Variants in DYNC1H1 observed in about 807,000 individuals in gnomAD.
The protein encoded by DYNC1H1 is cytoplasmic dynein 1 heavy chain 1.
In DYNC1H1, 51 loss-of-function variants were observed where a neutral mutation model predicts 527.1. That is an observed-to-expected ratio of 0.10 (90% CI 0.08 to 0.12). DYNC1H1 has a LOEUF of 0.12. Ranked by LOEUF, DYNC1H1 falls within the 10% of genes least tolerant of loss-of-function variation. The probability of loss-of-function intolerance (pLI) is 1.00; values close to 1 mark genes in which losing one functional copy is unlikely to be tolerated. For synonymous variants in DYNC1H1, 2,189 were observed against 2,278.8 expected (o/e 0.96, Z 1.12); for missense variants, 2,771 against 5,971.8 (o/e 0.46, Z 17.66).
At chr14:102,035,380 T>C (rs533719731) in intron 56 of DYNC1H1, 131 of 152,314 alleles carry the variant, frequency 8.6e-4, no homozygotes, top group African/African-American at 3.1e-3. Context: ...AGAAATGGGA[T>C]GTAACTGCAG....
chr14:102,025,280 C>T lies in DYNC1H1; in HGVS notation c.8638-1294C>T, dbSNP rs181912212. On this transcript the variant is annotated intron_variant, in intron 43 of 77. Coordinates refer to ENST00000360184, the MANE Select transcript of DYNC1H1 (RefSeq NM_001376.5). ...ATTAGCCGGGTGCGGTACTGCATGC[C>T]TGTAATCTCAGCTACTCAGGAGGCT... 7.2e-5 allele frequency among the ~76,000 whole-genome samples: 11 copies of T among 152,182 alleles called. No homozygotes were observed. The East Asian group carries it at 2.1e-3, about 30-fold the overall frequency.
rs1335846378 is a variant in DYNC1H1, at chr14:102,052,874, C to T, written c.*2311C>T. The T allele has an allele frequency of 6.6e-6, 1 of 152,208 alleles. No individual in the cohort carries two copies. The highest frequency in any genetic ancestry group is 1.5e-5 in the Non-Finnish European group (1 of 68,048). The allele number at this position is 152,208 out of a possible 1,614,324, so 9.4% of individuals were successfully genotyped here. A position where few individuals can be genotyped will look rare whatever the true frequency, so the allele number is the denominator to read the frequency against. On this transcript the variant is annotated 3_prime_UTR_variant, in exon 78 of 78. Transcript: ENST00000360184. ...GACAGGGCGTCTACTATATGAACTTCCTCTGGACTCTGACTTCAGTGTGTA... is the reference window on the plus strand; with the variant it reads ...GACAGGGCGTCTACTATATGAACTTTCTCTGGACTCTGACTTCAGTGTGTA...
At chr14:102,048,078 G>A (rs1454022799) in intron 73 of DYNC1H1, 50 bp downstream of exon 73, 2 of 1,569,710 alleles carry the variant, frequency 1.3e-6, no homozygotes, top group African/African-American at 1.4e-5. Flanking sequence ...CCAGGTGCTG[G>A]GTATGGTCAT....
At chr14:101,967,808 A>C (rs901220061) in intron 1 of DYNC1H1, among the ~76,000 whole-genome samples, 2 of 152,230 alleles carry the variant, frequency 1.3e-5, no homozygotes, top group East Asian at 1.9e-4. Flanking sequence ...GCCTGGGTAC[A>C]GAGTGAGACC....
In DYNC1H1 at chr14:102,004,827, A is replaced by G; in HGVS notation, c.5115A>G (p.Val1705=). Residue 1705 remains valine (V), a synonymous_variant, in exon 25 of 78, where the codon GTA becomes GTG. Coordinates refer to ENST00000360184, the MANE Select transcript of DYNC1H1 (RefSeq NM_001376.5). The stretch of plus-strand genomic sequence containing the variant: ...AAATCAATGAGTGGCTCACATTGGT[A>G]GAAAAGGAGATGAGAGTCACCCTGG... ...HPKINEWLTL[V]EKEMRVTLAK... 1 of 1,614,228 alleles carries G rather than the reference A, an allele frequency of 6.2e-7. No homozygotes were observed. Among genetic ancestry groups the G allele is most frequent in the Non-Finnish European group, 8.5e-7 (1 of 1,180,044 alleles).
Position 101,965,391 on chromosome 14 carries a change from T to G in DYNC1H1, c.256+444T>G, listed in dbSNP as rs2141259165. On this transcript the variant is annotated intron_variant, in intron 1 of 77. Coordinates refer to ENST00000360184, the MANE Select transcript of DYNC1H1 (RefSeq NM_001376.5). This position sits in a 1 kb window ranked among gnomAD's most constrained non-coding sequence, Gnocchi z 4.1. ...GTCACATGAGCTTTTCGGTTTCGAT[T>G]TGTGTCCAAGCCAAGTGGCCTTCGG... Among the ~76,000 whole-genome samples, 1 of 152,320 alleles carries G rather than the reference T, an allele frequency of 6.6e-6. No homozygotes were observed. Among genetic ancestry groups the G allele is most frequent in the African/African-American group, 2.4e-5 (1 of 41,572 alleles).
Position 102,012,492 on chromosome 14 carries a change from G to C in DYNC1H1, c.7014+22G>C, listed in dbSNP as rs770462838. On this transcript the variant is annotated intron_variant, in intron 34 of 77. Transcript: ENST00000360184. The surrounding 1 kb of genome is among the most constrained non-coding windows in gnomAD (Gnocchi z 4.9). ...CAATGTAAGTAGCCTTTTGTATGTC[G>C]TCAACTGAATAATTCCTTTTGGCCA... 1 of 1,614,072 alleles carries C rather than the reference G, an allele frequency of 6.2e-7. No homozygotes were observed. The highest frequency in any genetic ancestry group is 2.2e-5 in the East Asian group (1 of 44,882).
intron 51 of DYNC1H1, among the ~76,000 whole-genome samples, chr14:102,032,006 T>A (rs1359790417): frequency 6.6e-6 from 1 of 152,222 alleles, no homozygotes; most frequent in Non-Finnish European, 1.5e-5. Flanking sequence ...AAATTAGGAC[T>A]TGTGAGACAT....
intron 16 of DYNC1H1, 21 bp from the exon 17 acceptor site, chr14:101,999,968 C>T (rs1466480432): frequency 6.2e-7 from 1 of 1,614,086 alleles, no homozygotes; most frequent in African/African-American, 1.3e-5. Context: ...CTCCAATTCT[C>T]TGTGCTCTGA....
chr14:102,029,125 G>T lies in DYNC1H1; in HGVS notation c.9469-414G>T. 3.7e-6 allele frequency: 1 copy of T among 270,524 alleles called. No homozygotes were observed. 16.8% of individuals were successfully genotyped at this position (270,524 alleles called of 1,614,324 possible). A position where few individuals can be genotyped will look rare whatever the true frequency, so the allele number is the denominator to read the frequency against. Reference sequence around the variant, plus strand: ...ATGTCGTCCAGCCCTGGCTTCCCCTGGTAGTCTGATCATCTTGCTGTGCTT... The same window carrying T: ...ATGTCGTCCAGCCCTGGCTTCCCCTTGTAGTCTGATCATCTTGCTGTGCTT... On this transcript the variant is annotated intron_variant, in intron 48 of 77. Transcript: ENST00000360184. This position sits in a 1 kb window ranked among gnomAD's most constrained non-coding sequence, Gnocchi z 5.3.
chr14:102,044,287 T>C lies in DYNC1H1; in HGVS notation c.12698T>C (p.Ile4233Thr). The change falls in exon 71 of 78, where the codon ATC becomes ACC. Residue 4233 changes from isoleucine (I) to threonine (T), a missense_variant. By Grantham distance (89) the Ile-to-Thr change is moderately conservative. Coordinates refer to ENST00000360184, the MANE Select transcript of DYNC1H1 (RefSeq NM_001376.5). The surrounding 1 kb of genome is among the most constrained non-coding windows in gnomAD (Gnocchi z 7.1). ...LDDTAKGRQNISPDKIPWSAL... is the reference protein window; with the variant it reads ...LDDTAKGRQNTSPDKIPWSAL... ...TTCCTCCCCCAGGGCAGGCAGAACA[T>C]CTCACCGGATAAGATCCCGTGGTCT... The C allele has an allele frequency of 3.1e-6, 5 of 1,613,974 alleles. No individual in the cohort carries two copies.
Position 102,017,548 on chromosome 14 carries a change from T to TAGCG in DYNC1H1, c.8177+44_8177+45insAGCG. ...CTGCTCTGCTTCACACACGCACAGC[T>TAGCG]CCAGGATTGCTGTAAACACAGCGCC... On this transcript the variant is annotated intron_variant, in intron 40 of 77. Transcript: ENST00000360184. The surrounding 1 kb of genome is among the most constrained non-coding windows in gnomAD (Gnocchi z 4.6). 1 of 1,614,030 alleles carries TAGCG rather than the reference T, an allele frequency of 6.2e-7. No homozygotes were observed.
chr14:101,996,571 C>T (rs1293588899), intron 15 of DYNC1H1, among the ~76,000 whole-genome samples: 1 of 152,168 alleles, frequency 6.6e-6, no homozygotes, highest in Non-Finnish European at 1.5e-5. Flanking sequence ...GCCCTCTGGC[C>T]ACGATGTCTT....
intron 11 of DYNC1H1, among the ~76,000 whole-genome samples, chr14:101,993,748 T>C (rs146632055): frequency 2.0e-4 from 31 of 152,274 alleles, no homozygotes; most frequent in Admixed American, 6.5e-4. Context: ...TCCCTCTCCT[T>C]CTCACTCTTG....
intron 73 of DYNC1H1, 65 bp downstream of exon 73, chr14:102,048,093 C>A: frequency 6.5e-7 from 1 of 1,532,800 alleles, no homozygotes; most frequent in Non-Finnish European, 8.8e-7. Context: ...GGTCATGGAC[C>A]ATTGTTCCAT....
chr14:102,028,563 G>T, intron 48 of DYNC1H1: 1 of 261,606 alleles, frequency 3.8e-6, no homozygotes, highest in Non-Finnish European at 7.5e-6. Context: ...ACATTGTACT[G>T]TTATTTGTAA....
In DYNC1H1 at chr14:102,040,524, ACT is replaced by A; in HGVS notation, c.11866-70_11866-69del. The A allele has an allele frequency of 2.5e-6, 4 of 1,611,440 alleles. No homozygotes were observed. The South Asian group carries it at 3.3e-5, about 13-fold the overall frequency. ...TGTTGTGTCTGCGCTCTCGCGTCAG[ACT>A]CTCGCTCAGTCGTGGGTTCTGCCCC... On this transcript the variant is annotated intron_variant, in intron 63 of 77. Transcript: ENST00000360184.
intron 64 of DYNC1H1, 113 bp downstream of exon 64, chr14:102,040,786 C>G (rs1442382303): frequency 8.8e-6 from 11 of 1,251,872 alleles, no homozygotes; most frequent in East Asian, 2.4e-5. Flanking sequence ...ATAGTAAGGC[C>G]CCATCTCTAC....
rs375918532 is a variant in DYNC1H1, at chr14:102,050,494, C to G, written c.13872C>G (p.Phe4624Leu). Residue 4624 changes from phenylalanine (F) to leucine (L), a missense_variant, in exon 78 of 78, where the codon TTC becomes TTG. Transcript: ENST00000360184. ...CAGACCTCATCTTCACCGTGGACTT[C>G]GAAATTGCTACAAAGGAGGATCCTC... ...TRADLIFTVD[F>L]EIATKEDPRS... The G allele has an allele frequency of 4.3e-6, 7 of 1,614,090 alleles. No individual in the cohort carries two copies. Among genetic ancestry groups the G allele is most frequent in the African/African-American group, 1.3e-5 (1 of 74,930 alleles).
Sources: allele counts gnomAD v4.1 joint callset (sites outside exome capture counted in the v4.1 genomes callset), GRCh38; gene constraint gnomAD v4.1.1; non-coding constraint Gnocchi (gnomAD v3.1); transcripts MANE v1.5; gene names NCBI Gene and HGNC (gene_info 2026-07-23, HGNC 2026-07-21).